TNFSF8: variants seen among roughly 807,000 people sequenced by gnomAD.
TNFSF8 encodes the protein TNF superfamily member 8, also known as tumor necrosis factor ligand superfamily member 8.
A neutral mutation model predicts 22.0 loss-of-function variants in TNFSF8; 4 were observed. That is an observed-to-expected ratio of 0.18 (90% CI 0.09 to 0.42). The LOEUF is 0.42. TNFSF8 is among the 10% of genes least tolerant of loss of function. The pLI is 1.00. For synonymous variants in TNFSF8, 106 were observed against 112.5 expected (o/e 0.94, Z 0.37); for missense variants, 233 against 281.8 (o/e 0.83, Z 1.24).
At chr9:114,907,638 C>T (rs1827800503) in intron 2 of TNFSF8, among the ~76,000 whole-genome samples, 1 of 152,160 alleles carries the variant, frequency 6.6e-6, no homozygotes, top group Admixed American at 6.5e-5. Flanking sequence ...TCTCACCCCT[C>T]ACCTTCCCTC....
In TNFSF8 at chr9:114,925,141, C is replaced by T. The variant is rs561476031; in HGVS notation, c.195+4968G>A. Among the ~76,000 whole-genome samples the T allele has an allele frequency of 7.2e-5, 11 of 152,198 alleles. No homozygotes were observed. The South Asian group carries it at 1.4e-3, about 20-fold the overall frequency. ...GGGGCTTACATACAGGGGAGAGAGT[C>T]CAGTGGCAGTGAGCTGAACAGGAAA... On this transcript the variant is annotated intron_variant, in intron 1 of 3. Coordinates refer to ENST00000223795, the MANE Select transcript of TNFSF8 (RefSeq NM_001244.4).
chr9:114,926,713 G>A (rs1469875780), intron 1 of TNFSF8, among the ~76,000 whole-genome samples: 1 of 151,928 alleles, frequency 6.6e-6, no homozygotes, highest in Non-Finnish European at 1.5e-5. Flanking sequence ...AATGACCCAT[G>A]GGTTTATTAT....
exon 5 of TNFSF8, chr9:114,893,822 C>A: frequency 2.3e-6 from 1 of 438,196 alleles, no homozygotes; most frequent in East Asian, 4.1e-5. Context: ...GTGATTAATT[C>A]TGGGAAGGAA....
rs565443652 is a variant in TNFSF8 at position 114,922,255 on chromosome 9, C to T, written c.196-4117G>A. Among the ~76,000 whole-genome samples the T allele has an allele frequency of 5.3e-5, 8 of 152,266 alleles. No homozygotes were observed. The South Asian group carries it at 1.0e-3, about 20-fold the overall frequency. ...AATGAGCTCCTGAATTTGCTTTGGA[C>T]ACAAAATGCCCCCGTGGACCAAAAA... On this transcript the variant is annotated intron_variant, in intron 1 of 3. Transcript: ENST00000223795.
chr9:114,905,375 G>GA (rs1827771915), intron 3 of TNFSF8, among the ~76,000 whole-genome samples: 1 of 152,164 alleles, frequency 6.6e-6, no homozygotes, highest in African/African-American at 2.4e-5. Flanking sequence ...TGTTCATTAA[G>GA]CTGTCAATCT....
At chr9:114,925,985 G>C (rs1828053153) in intron 1 of TNFSF8, among the ~76,000 whole-genome samples, 1 of 145,182 alleles carries the variant, frequency 6.9e-6, no homozygotes, top group African/African-American at 2.4e-5. Context: ...GAGGAGATAA[G>C]AGAAGTTTTA....
chr9:114,900,197 G>A (rs1312513865), downstream of TNFSF8, among the ~76,000 whole-genome samples: 2 of 152,202 alleles, frequency 1.3e-5, no homozygotes, highest in Non-Finnish European at 2.9e-5. Flanking sequence ...ACTAAAAGGA[G>A]GAAGTGCTGA....
chr9:114,912,937 T>C (rs2131344900), intron 2 of TNFSF8, among the ~76,000 whole-genome samples: 1 of 152,316 alleles, frequency 6.6e-6, no homozygotes, highest in East Asian at 1.9e-4. Flanking sequence ...AATGTTAGAA[T>C]GTTAAAGTGG....
At chr9:114,899,249 A>C (rs1262399713), downstream of TNFSF8, among the ~76,000 whole-genome samples, 1 of 152,128 alleles carries the variant, frequency 6.6e-6, no homozygotes, top group Non-Finnish European at 1.5e-5. Context: ...CAACATGTGG[A>C]GCAGGAGAAG....
intron 1 of TNFSF8, among the ~76,000 whole-genome samples, chr9:114,924,353 C>T (rs1367044462): frequency 6.6e-6 from 1 of 152,104 alleles, no homozygotes; most frequent in Non-Finnish European, 1.5e-5. Context: ...AACACAACAG[C>T]CATACCTATA....
At chr9:114,899,342 A>ATTTT (rs137946179), downstream of TNFSF8, among the ~76,000 whole-genome samples, 199 of 142,642 alleles carry the variant, frequency 1.4e-3, 6 homozygotes, top group East Asian at 3.6e-3. Context: ...ACAGTAAGTT[A>ATTTT]TTATTTTTTT....
intron 1 of TNFSF8, among the ~76,000 whole-genome samples, chr9:114,922,862 G>C (rs1015923276): frequency 6.6e-6 from 1 of 152,134 alleles, no homozygotes; most frequent in African/African-American, 2.4e-5. Context: ...TTCTGACTCA[G>C]TAGGGAGGGG....
At position 114,902,122 on chromosome 9, in the gene TNFSF8, A is replaced by G; in HGVS notation, c.*1809T>C. Reference sequence around the variant, plus strand: ...AAACGGCTTGTCAAGGTCCTTCCACAAATAAGATGTTCCTCCAAAGATGAT... The same window carrying G: ...AAACGGCTTGTCAAGGTCCTTCCACGAATAAGATGTTCCTCCAAAGATGAT... On this transcript the variant is annotated 3_prime_UTR_variant, in exon 4 of 4. Coordinates refer to ENST00000223795, the MANE Select transcript of TNFSF8 (RefSeq NM_001244.4). 2.1e-5 allele frequency: 21 copies of G among 985,292 alleles called. No homozygotes were observed. The highest frequency in any genetic ancestry group is 2.5e-5 in the Non-Finnish European group (21 of 829,912). The allele number at this position is 985,292 out of a possible 1,614,324, so 61.0% of individuals were successfully genotyped here.
At chr9:114,921,770 A>G (rs965009868) in intron 1 of TNFSF8, among the ~76,000 whole-genome samples, 17 of 152,188 alleles carry the variant, frequency 1.1e-4, no homozygotes, top group African/African-American at 3.4e-4. Context: ...TGCAGGCACA[A>G]ACAAATGGAC....
rs75903093 is a variant in TNFSF8, at chr9:114,928,043, T to G, written c.195+2066A>C. On this transcript the variant is annotated intron_variant, in intron 1 of 3. Coordinates refer to ENST00000223795, the MANE Select transcript of TNFSF8 (RefSeq NM_001244.4). ...TTGAAAATGATATGTGCAATGCATTTGACACTTTATATACCACGGCTACTA... is the reference window on the plus strand; with the variant it reads ...TTGAAAATGATATGTGCAATGCATTGGACACTTTATATACCACGGCTACTA... Among the ~76,000 whole-genome samples the G allele has an allele frequency of 3.7e-3, 557 of 152,316 alleles. 8 individuals carry two copies. The East Asian group carries it at 0.062, about 17-fold the overall frequency.
At position 114,930,293 on chromosome 9, in the gene TNFSF8, C is replaced by G; in HGVS notation, c.11G>C (p.Gly4Ala). 1 of 1,575,722 alleles carries G rather than the reference C, an allele frequency of 6.3e-7. No homozygotes were observed. Among genetic ancestry groups the G allele is most frequent in the Non-Finnish European group, 8.6e-7 (1 of 1,161,518 alleles). MDP[G>A]LQQALNGMAP... ...CATTCCGTTGAGTGCTTGCTGCAGC[C>G]CTGGGTCCATTCTTTATATAGTCTT... Residue 4 changes from glycine (G) to alanine (A), a missense_variant, in exon 1 of 4, where the codon GGG (glycine) becomes GCG (alanine). Gly to Ala is a moderately conservative substitution (Grantham distance 60). Transcript: ENST00000223795.
chr9:114,901,219 A>G lies in TNFSF8; in HGVS notation c.*2712T>C. 1.0e-6 allele frequency: 1 copy of G among 985,428 alleles called. No homozygotes were observed. Among genetic ancestry groups the G allele is most frequent in the Non-Finnish European group, 1.2e-6 (1 of 829,938 alleles). The allele number at this position is 985,428 out of a possible 1,614,324, so 61.0% of individuals were successfully genotyped here. ...TCATGGAGTATCATTTGCTCATAAC[A>G]TTCCCAGGGGCTGGTTAACCCTCAA... On this transcript the variant is annotated 3_prime_UTR_variant, in exon 4 of 4. Transcript: ENST00000223795.
intron 1 of TNFSF8, among the ~76,000 whole-genome samples, chr9:114,923,141 CT>C (rs1564372194): frequency 6.6e-6 from 1 of 152,188 alleles, no homozygotes; most frequent in East Asian, 1.9e-4. Flanking sequence ...GTTTCTTCTC[CT>C]CTGTACAATC....
Position 114,904,050 on chromosome 9 carries a change from C to T in TNFSF8, c.586G>A (p.Asp196Asn). 1 of 1,614,110 alleles carries T rather than the reference C, an allele frequency of 6.2e-7. No individual in the cohort carries two copies. Among genetic ancestry groups the T allele is most frequent in the Non-Finnish European group, 8.5e-7 (1 of 1,179,968 alleles). Reference sequence around the variant, plus strand: ...ATGGTGGTGTTGACCTGCAGGTAATCCAGCAAGAATTGAGAGAGATTCTGG... The same window carrying T: ...ATGGTGGTGTTGACCTGCAGGTAATTCAGCAAGAATTGAGAGAGATTCTGG... Reference protein sequence around the residue: ...VYQNLSQFLLDYLQVNTTISV... With the variant: ...VYQNLSQFLLNYLQVNTTISV... The change falls in exon 4 of 4, where the codon GAT (aspartate) becomes AAT (asparagine). Residue 196 changes from aspartate (D) to asparagine (N), a missense_variant. By Grantham distance (23) the Asp-to-Asn change is conservative. Transcript: ENST00000223795.
Sources: allele counts gnomAD v4.1 joint callset (sites outside exome capture counted in the v4.1 genomes callset), GRCh38; gene constraint gnomAD v4.1.1; transcripts MANE v1.5; gene names NCBI Gene and HGNC (gene_info 2026-07-23, HGNC 2026-07-21).